Variants in DLX3 observed in about 807,000 individuals in gnomAD.
DLX3 encodes the protein homeobox protein DLX-3.
DLX3 carries 9 observed loss-of-function variants against 28.0 expected under a neutral mutation model. The observed-to-expected ratio is 0.32, with a 90% confidence interval of 0.19 to 0.56. DLX3 has a LOEUF of 0.56. Ranked by LOEUF, DLX3 falls within the 20% of genes least tolerant of loss-of-function variation. The pLI, the probability that DLX3 is intolerant of heterozygous loss-of-function variation, is 0.91. For synonymous variants in DLX3, 154 were observed against 167.9 expected (o/e 0.92, Z 0.64); for missense variants, 313 against 378.2 (o/e 0.83, Z 1.43).
chr17:49,993,781 A>C, intron 1 of DLX3, 191 bp from the exon 2 acceptor site: 1 of 432,216 alleles, frequency 2.3e-6, no homozygotes, highest in East Asian at 4.9e-5. Flanking sequence ...GCCGCGGCCC[A>C]CAACGCGGCG....
chr17:49,995,105 C>T lies in DLX3; in HGVS notation c.-107G>A, dbSNP rs1906232138. 2 of 1,399,412 alleles carry T rather than the reference C, an allele frequency of 1.4e-6. No homozygotes were observed. The highest frequency in any genetic ancestry group is 1.2e-5 in the South Asian group (1 of 81,204). The allele number at this position is 1,399,412 out of a possible 1,614,324, so 86.7% of individuals were successfully genotyped here. A position where few individuals can be genotyped will look rare whatever the true frequency, so the allele number is the denominator to read the frequency against. ...GAGGCAGGGGTGTGTGTCCAGAAGG[C>T]GAAGGGAGGACCCGGCCGCGTCTGG... is the stretch of plus-strand genomic sequence containing the variant. On this transcript the variant is annotated 5_prime_UTR_variant, in exon 1 of 3. Transcript: ENST00000434704.
chr17:49,993,517 A>G lies in DLX3; in HGVS notation c.399T>C (p.Arg133=). Residue 133 remains arginine (R), a synonymous_variant, in exon 2 of 3, where the codon CGT becomes CGC. Transcript: ENST00000434704. ...CCAGCTGGTAGCTGGAGTAGATCGT[A>G]CGCGGCTTTCGGACCTTCTTGGGCT... ...NGKPKKVRKP[R]TIYSSYQLAA... is the part of the protein sequence containing the mutation. The G allele has an allele frequency of 1.2e-6, 2 of 1,613,670 alleles. No homozygotes were observed. Among genetic ancestry groups the G allele is most frequent in the Non-Finnish European group, 1.7e-6 (2 of 1,179,712 alleles).
rs772519409 is a variant in DLX3, at chr17:49,994,715, T to C, written c.284A>G (p.Tyr95Cys). The C allele has an allele frequency of 1.2e-6, 2 of 1,614,088 alleles. No individual in the cohort carries two copies. Among genetic ancestry groups the C allele is most frequent in the South Asian group, 1.1e-5 (1 of 91,084 alleles). The change falls in exon 1 of 3, where the codon TAC becomes TGC. Residue 95 changes from tyrosine (Y) to cysteine (C), a missense_variant. Physicochemically the swap from Tyr to Cys is radical, Grantham distance 194 (BLOSUM62 -2). Around this residue, in one of 3 missense-constraint regions of DLX3, gnomAD observed 183 missense variants for 197.7 expected, o/e 0.93. Coordinates refer to ENST00000434704, the MANE Select transcript of DLX3 (RefSeq NM_005220.3). The part of the protein sequence containing the change: ...EYTYGASYRQ[Y>C]GAYREQPLPA... ...CAGCGGCTGCTCCCGATACGCCCCG[T>C]ATTGCCGGTAGGAGGCTCCGTAGGT... is the stretch of plus-strand genomic sequence containing the variant.
At chr17:49,992,606 C>T (rs1332964245) in intron 2 of DLX3, among the ~76,000 whole-genome samples, 1 of 152,118 alleles carries the variant, frequency 6.6e-6, no homozygotes, top group Non-Finnish European at 1.5e-5. Context: ...CCTGCCACTC[C>T]CCACCCCATG....
In DLX3 at chr17:49,994,964, A is replaced by C. The variant is rs773905208; in HGVS notation, c.35T>G (p.Ile12Ser). Residue 12 changes from isoleucine to serine, a missense_variant, in exon 1 of 3, where the codon ATC becomes AGC. By Grantham distance (142) the Ile-to-Ser change is moderately radical. Around this residue, in one of 3 missense-constraint regions of DLX3, gnomAD observed 183 missense variants for 197.7 expected, o/e 0.93. Coordinates refer to ENST00000434704, the MANE Select transcript of DLX3 (RefSeq NM_005220.3). ...AAGGGAGCTGGAGATGTCGGTGAGG[A>C]TGCTGCTGAGCTTGCGATCGAAGGA... ...SGSFDRKLSS[I>S]LTDISSSLSC... 6.2e-7 allele frequency: 1 copy of C among 1,613,136 alleles called. No individual in the cohort carries two copies. The highest frequency in any genetic ancestry group is 8.5e-7 in the Non-Finnish European group (1 of 1,180,030).
At position 49,991,571 on chromosome 17, in the gene DLX3, G is replaced by A; in HGVS notation, c.810C>T (p.Ala270=). The change falls in exon 3 of 3, where the codon GCC becomes GCT. Residue 270 remains alanine (A), a synonymous_variant. Transcript: ENST00000434704. The stretch of plus-strand genomic sequence containing the variant: ...GCCCGGGAGAGGCATGGTGCAGGGT[G>A]GCTGGCTGAGGCGGCTGCTGCTGTA... ...PHLQQQPPQP[A]TLHHASPGPP... is the part of the protein sequence containing the mutation. 6.2e-7 allele frequency: 1 copy of A among 1,612,618 alleles called. No individual in the cohort carries two copies. Among genetic ancestry groups the A allele is most frequent in the Non-Finnish European group, 8.5e-7 (1 of 1,179,952 alleles).
rs1174430335 is a variant in DLX3, at chr17:49,995,181, T to C, written c.-183A>G. 1 of 743,788 alleles carries C rather than the reference T, an allele frequency of 1.3e-6. No individual in the cohort carries two copies. Among genetic ancestry groups the C allele is most frequent in the Non-Finnish European group, 2.2e-6 (1 of 449,308 alleles). The allele number at this position is 743,788 out of a possible 1,614,324, so 46.1% of individuals were successfully genotyped here. A position where few individuals can be genotyped will look rare whatever the true frequency, so the allele number is the denominator to read the frequency against. Reference sequence around the variant, plus strand: ...TACACCATTGCCTGCCGTCAGGCGGTCGCTGCGCGCCTCTCCTCGCGTCCC... The same window carrying C: ...TACACCATTGCCTGCCGTCAGGCGGCCGCTGCGCGCCTCTCCTCGCGTCCC... On this transcript the variant is annotated 5_prime_UTR_variant, in exon 1 of 3. Coordinates refer to ENST00000434704, the MANE Select transcript of DLX3 (RefSeq NM_005220.3).
In DLX3 at chr17:49,994,589, A is replaced by G. The variant is rs1270716601; in HGVS notation, c.325+85T>C. The G allele has an allele frequency of 3.4e-6, 5 of 1,480,602 alleles. No homozygotes were observed. The South Asian group carries it at 3.5e-5, about 10-fold the overall frequency. The allele number at this position is 1,480,602 out of a possible 1,614,324, so 91.7% of individuals were successfully genotyped here. ...CAGTACTTTTCTTAGAAGTTTTCCT[A>G]GATTTTGGCTTCCAGTCCATGCCTT... On this transcript the variant is annotated intron_variant, in intron 1 of 2. Coordinates refer to ENST00000434704, the MANE Select transcript of DLX3 (RefSeq NM_005220.3).
chr17:49,990,782 A>G lies in DLX3; in HGVS notation c.*735T>C, dbSNP rs1228891644. 1.3e-5 allele frequency: 2 copies of G among 152,686 alleles called. No homozygotes were observed. The highest frequency in any genetic ancestry group is 4.8e-5 in the African/African-American group (2 of 41,464). 9.5% of individuals were successfully genotyped at this position (152,686 alleles called of 1,614,324 possible). The stretch of plus-strand genomic sequence containing the variant: ...ACCAAAGTTGTGCAAAGTCCTGGAC[A>G]TGGAAGAAATAAGTCCATAGGAAAA... On this transcript the variant is annotated 3_prime_UTR_variant, in exon 3 of 3. Transcript: ENST00000434704.
Position 49,994,793 on chromosome 17 carries a change from A to G in DLX3, c.206T>C (p.Phe69Ser). 1 of 1,614,066 alleles carries G rather than the reference A, an allele frequency of 6.2e-7. No individual in the cohort carries two copies. Among genetic ancestry groups the G allele is most frequent in the Non-Finnish European group, 8.5e-7 (1 of 1,180,004 alleles). ...CGTGCCTGCAAGCCCATTGAGATTG[A>G]ATTGGTGGTGGTAGGTGTAGGGGTT... is the stretch of plus-strand genomic sequence containing the variant. ...TVNPYTYHHQ[F>S]NLNGLAGTGA... is the part of the protein sequence containing the mutation. The change falls in exon 1 of 3, where the codon TTC (phenylalanine) becomes TCC (serine). Residue 69 changes from phenylalanine to serine, a missense_variant. Phe to Ser is a radical substitution (Grantham distance 155). Transcript: ENST00000434704.
intron 2 of DLX3, 58 bp from the exon 3 acceptor site, chr17:49,991,922 G>C (rs1906107441): frequency 1.3e-6 from 2 of 1,546,110 alleles, no homozygotes; most frequent in Non-Finnish European, 1.8e-6. Flanking sequence ...AAACAACCCT[G>C]GGAAGAACCT....
chr17:49,993,397 A>T lies in DLX3; in HGVS notation c.516+3T>A. On this transcript the variant is annotated splice_donor_region_variant and intron_variant, in intron 2 of 2. Transcript: ENST00000434704. ...CCGCGGCCCTGGACAGCCAAACACC[A>T]ACCTGTGTCTGCGTGAGGCCCAGCT... 1 of 1,599,632 alleles carries T rather than the reference A, an allele frequency of 6.3e-7. No homozygotes were observed. The highest frequency in any genetic ancestry group is 8.5e-7 in the Non-Finnish European group (1 of 1,177,534).
chr17:49,993,523 C>CT lies in DLX3; in HGVS notation c.392dup (p.Pro132AlafsTer70). 1 of 1,613,728 alleles carries CT rather than the reference C, an allele frequency of 6.2e-7. No individual in the cohort carries two copies. The highest frequency in any genetic ancestry group is 8.5e-7 in the Non-Finnish European group (1 of 1,179,738). ...GGTAGCTGGAGTAGATCGTACGCGG[C>CT]TTTCGGACCTTCTTGGGCTTCCCAT... On this transcript the variant is annotated frameshift_variant, in exon 2 of 3. Transcript: ENST00000434704. LOFTEE classifies it high-confidence loss of function.
At chr17:49,993,110 G>A (rs1379575608) in intron 2 of DLX3, among the ~76,000 whole-genome samples, 6 of 152,166 alleles carry the variant, frequency 3.9e-5, no homozygotes, top group Non-Finnish European at 1.5e-5. Context: ...TAGCCTGGAG[G>A]GAAAACACGA....
At chr17:49,992,100 T>C (rs917291422) in intron 2 of DLX3, among the ~76,000 whole-genome samples, 3 of 152,198 alleles carry the variant, frequency 2.0e-5, no homozygotes, top group Non-Finnish European at 4.4e-5. Context: ...CTTGGGCAAG[T>C]TGTTTAACCT....
intron 1 of DLX3, among the ~76,000 whole-genome samples, chr17:49,993,956 C>G (rs953109636): frequency 6.6e-5 from 10 of 152,098 alleles, no homozygotes; most frequent in African/African-American, 2.4e-4. Flanking sequence ...CCCATCTCGC[C>G]GTCGGTTGTT....
At chr17:49,994,477 A>T (rs888437135) in intron 1 of DLX3, among the ~76,000 whole-genome samples, 197 bp downstream of exon 1, 2 of 152,114 alleles carry the variant, frequency 1.3e-5, no homozygotes, top group Non-Finnish European at 2.9e-5. Flanking sequence ...CACTGCGCAC[A>T]TCGCGCCCCA....
rs569353648 is a variant in DLX3, at chr17:49,993,301, G to A, written c.516+99C>T. On this transcript the variant is annotated intron_variant, in intron 2 of 2. Transcript: ENST00000434704. The stretch of plus-strand genomic sequence containing the variant: ...CCCATCCCAAAGGCAAGAGTTCCAG[G>A]AGCCCGCAGGGCCCTTCAGTGGCCA... 42 of 1,296,756 alleles carry A rather than the reference G, an allele frequency of 3.2e-5. No homozygotes were observed. In the African/African-American group the frequency reaches 5.2e-4, roughly 16 times the overall value. 80.3% of individuals were successfully genotyped at this position (1,296,756 alleles called of 1,614,324 possible). A position where few individuals can be genotyped will look rare whatever the true frequency, so the allele number is the denominator to read the frequency against.
chr17:49,993,627 C>A (rs781179439), intron 1 of DLX3, 37 bp from the exon 2 acceptor site: 1 of 1,605,042 alleles, frequency 6.2e-7, no homozygotes, highest in Non-Finnish European at 8.5e-7. Flanking sequence ...GGGGGCGGTT[C>A]AGCCTCGGCC....
Sources: gnomAD v4.1 joint callset for allele counts (sites outside exome capture counted in the v4.1 genomes callset) on GRCh38, gnomAD v4.1.1 for gene constraint, gnomAD v4.1.1 regional missense constraint, MANE v1.5 for transcripts, NCBI Gene and HGNC (gene_info 2026-07-23, HGNC 2026-07-21) for gene names.